Variants in TBC1D4 observed in about 807,000 individuals in gnomAD.
The protein encoded by TBC1D4 is TBC1 domain family member 4, also known as TBC (Tre-2, BUB2, CDC16) domain-containing protein.
A neutral mutation model predicts 142.5 loss-of-function variants in TBC1D4; 121 were observed. That is an observed-to-expected ratio of 0.85 (90% CI 0.73 to 0.99). The LOEUF (loss-of-function observed/expected upper bound fraction) is 0.99. Ranked by LOEUF, TBC1D4 falls within the 50% of genes least tolerant of loss-of-function variation. The probability of loss-of-function intolerance (pLI) is 0.00; values close to 1 mark genes in which losing one functional copy is unlikely to be tolerated. For synonymous variants in TBC1D4, 630 were observed against 628.2 expected, an observed-to-expected ratio of 1.00 and a Z score of -0.04; for missense variants, 1,475 against 1,606.6, an observed-to-expected ratio of 0.92 and a Z score of 1.40.
At chr13:75,413,658 G>A (rs963898516) in intron 1 of TBC1D4, among the ~76,000 whole-genome samples, 5 of 152,188 alleles carry the variant, frequency 3.3e-5, no homozygotes, top group Non-Finnish European at 7.3e-5. Flanking sequence ...CAAGAACAAA[G>A]AGGCCAGACT....
In TBC1D4 at chr13:75,343,332, A is replaced by G. The variant is rs576566248; in HGVS notation, c.1409-1745T>C. On this transcript the variant is annotated intron_variant, in intron 5 of 20. Coordinates refer to ENST00000377636, the MANE Select transcript of TBC1D4 (RefSeq NM_014832.5). ...GCCATACTGCAGCCACACGGCCACC[A>G]GGCCTGCTTTAAACCACTGTGCAGT... Among the ~76,000 whole-genome samples, 108 of 152,326 alleles carry G rather than the reference A, an allele frequency of 7.1e-4. 1 individual carries two copies. In the South Asian group the frequency reaches 0.022, roughly 31 times the overall value.
intron 7 of TBC1D4, 120 bp from the exon 8 acceptor site, chr13:75,337,160 A>G: frequency 1.1e-6 from 1 of 880,768 alleles, no homozygotes; most frequent in Non-Finnish European, 1.8e-6. Context: ...AGCTCTATTA[A>G]TAAGTAATAA....
At chr13:75,367,341 A>G (rs757293646) in intron 1 of TBC1D4, among the ~76,000 whole-genome samples, 1 of 152,188 alleles carries the variant, frequency 6.6e-6, no homozygotes, top group Non-Finnish European at 1.5e-5. Flanking sequence ...CTGATAACAG[A>G]TGAACTTCAA....
At chr13:75,301,738 T>C (rs1040659190) in intron 16 of TBC1D4, among the ~76,000 whole-genome samples, 1 of 152,168 alleles carries the variant, frequency 6.6e-6, no homozygotes, top group Admixed American at 6.5e-5. Context: ...GCAACTAATG[T>C]TTCACTCACC....
chr13:75,358,788 G>A (rs550189492), intron 3 of TBC1D4, among the ~76,000 whole-genome samples: 13 of 152,120 alleles, frequency 8.5e-5, no homozygotes, highest in Non-Finnish European at 1.6e-4. Context: ...TGCTTGAGCC[G>A]GAAAGGTCAA....
At position 75,430,785 on chromosome 13, in the gene TBC1D4, G is replaced by A. The variant is rs559482875; in HGVS notation, c.498+50485C>T. On this transcript the variant is annotated intron_variant, in intron 1 of 20. Transcript: ENST00000377636. ...TATCCTGTGTAATTAGGGTTCCTCC[G>A]GTACAGCACTTCACTCTCTCTCCAT... Among the ~76,000 whole-genome samples the A allele has an allele frequency of 6.6e-5, 10 of 152,102 alleles. No homozygotes were observed. In the South Asian group the frequency reaches 8.3e-4, roughly 13 times the overall value.
At chr13:75,405,909 T>G (rs1321956576) in intron 1 of TBC1D4, among the ~76,000 whole-genome samples, 4 of 152,184 alleles carry the variant, frequency 2.6e-5, no homozygotes, top group Non-Finnish European at 5.9e-5. Context: ...AAGAATTAAG[T>G]GTCATTTTAT....
intron 1 of TBC1D4, among the ~76,000 whole-genome samples, chr13:75,363,580 C>A (rs1422352717): frequency 2.0e-5 from 3 of 151,780 alleles, no homozygotes; most frequent in African/African-American, 7.3e-5. Flanking sequence ...ATTGTCCCGC[C>A]TTTCCAGACG....
chr13:75,435,832 T>G (rs931492368), intron 1 of TBC1D4, among the ~76,000 whole-genome samples: 1 of 152,150 alleles, frequency 6.6e-6, no homozygotes, highest in South Asian at 2.1e-4. Flanking sequence ...CAGAAGTCAG[T>G]GTAAAAGAGT....
chr13:75,417,379 G>A (rs1885966709), intron 1 of TBC1D4, among the ~76,000 whole-genome samples: 1 of 152,148 alleles, frequency 6.6e-6, no homozygotes, highest in African/African-American at 2.4e-5. Flanking sequence ...CCTGGGAGGA[G>A]TAACACTGCC....
Position 75,286,729 on chromosome 13 carries a change from T to C in TBC1D4, c.*63A>G. The C allele has an allele frequency of 1.3e-6, 2 of 1,526,320 alleles. No homozygotes were observed. The highest frequency in any genetic ancestry group is 2.3e-5 in the South Asian group (2 of 86,148). 94.5% of individuals were successfully genotyped at this position (1,526,320 alleles called of 1,614,324 possible). A position where few individuals can be genotyped will look rare whatever the true frequency, so the allele number is the denominator to read the frequency against. ...AGGGTCCAGCCTTGGGCCAGCGACA[T>C]GCAGGCTCTTCCTCTCTGTAGTATT... On this transcript the variant is annotated 3_prime_UTR_variant, in exon 21 of 21. Transcript: ENST00000377636.
intron 1 of TBC1D4, among the ~76,000 whole-genome samples, chr13:75,427,831 T>C (rs1256241516): frequency 6.6e-6 from 1 of 152,258 alleles, no homozygotes; most frequent in Non-Finnish European, 1.5e-5. Context: ...CACTTCCATA[T>C]TCTTGTTTTA....
intron 1 of TBC1D4, among the ~76,000 whole-genome samples, chr13:75,450,909 G>C (rs1031245965): frequency 1.3e-5 from 2 of 152,126 alleles, no homozygotes; most frequent in Admixed American, 1.3e-4. Flanking sequence ...TGTAGTTTGA[G>C]GGTCCCACCA....
At chr13:75,348,489 C>T (rs995968532) in intron 5 of TBC1D4, among the ~76,000 whole-genome samples, 15 of 152,208 alleles carry the variant, frequency 9.9e-5, no homozygotes, top group African/African-American at 3.4e-4. Context: ...AGACATTTCA[C>T]TAGTGTTTAT....
At chr13:75,328,931 T>C (rs1879508151) in intron 8 of TBC1D4, among the ~76,000 whole-genome samples, 1 of 152,108 alleles carries the variant, frequency 6.6e-6, no homozygotes, top group South Asian at 2.1e-4. Flanking sequence ...CCCCCTCTCT[T>C]GCACTCTGAA....
At chr13:75,428,065 A>G (rs980486930) in intron 1 of TBC1D4, among the ~76,000 whole-genome samples, 1 of 152,208 alleles carries the variant, frequency 6.6e-6, no homozygotes, top group Non-Finnish European at 1.5e-5. Flanking sequence ...TAGGAAGCAA[A>G]CATTGAATAT....
chr13:75,310,204 C>G (rs1877614788), intron 13 of TBC1D4, 53 bp from the exon 14 acceptor site: 7 of 1,545,890 alleles, frequency 4.5e-6, no homozygotes, highest in Non-Finnish European at 6.2e-6. Flanking sequence ...CCAGACTACC[C>G]AAGTTTCTGT....
In TBC1D4 at chr13:75,284,188, C is replaced by T. The variant is rs761763450; in HGVS notation, c.*2604G>A. On this transcript the variant is annotated 3_prime_UTR_variant, in exon 21 of 21. Transcript: ENST00000377636. ...CCTTCTTGACACCAGGGACTGGTTT[C>T]ATGGAAGACAATCTTTCCACAGACT... Among the ~76,000 whole-genome samples the T allele has an allele frequency of 3.3e-5, 5 of 152,148 alleles. No homozygotes were observed. The highest frequency in any genetic ancestry group is 5.9e-5 in the Non-Finnish European group (4 of 68,024).
chr13:75,459,339 C>T (rs1379980027), intron 1 of TBC1D4, among the ~76,000 whole-genome samples: 1 of 152,154 alleles, frequency 6.6e-6, no homozygotes, highest in Non-Finnish European at 1.5e-5. Context: ...AATACCTAAC[C>T]TTTATCTTCT....
Sources: allele counts gnomAD v4.1 joint callset (sites outside exome capture counted in the v4.1 genomes callset), GRCh38; gene constraint gnomAD v4.1.1; transcripts MANE v1.5; gene names NCBI Gene and HGNC (gene_info 2026-07-23, HGNC 2026-07-21).